Variants in SETD1B observed in about 807,000 individuals in gnomAD.
SETD1B encodes SET domain containing 1B, histone lysine methyltransferase.
SETD1B carries 7 observed loss-of-function variants against 148.0 expected under a neutral mutation model. The observed-to-expected ratio is 0.05, with a 90% CI of 0.03 to 0.09. The LOEUF (loss-of-function observed/expected upper bound fraction) is 0.09. Ranked by LOEUF, SETD1B falls within the 10% of genes least tolerant of loss-of-function variation. The pLI, the probability that SETD1B is intolerant of heterozygous loss-of-function variation, is 1.00. For missense variants in SETD1B, 2,155 were observed against 2,729.9 expected (o/e 0.79, Z 4.69); for synonymous variants, 1,361 against 1,186.5 (o/e 1.15, Z -3.02).
chr12:121,817,142 T>C lies in SETD1B; in HGVS notation c.2825T>C (p.Leu942Pro), dbSNP rs1325793270. The C allele has an allele frequency of 1.3e-6, 2 of 1,548,842 alleles. No individual in the cohort carries two copies. Among genetic ancestry groups the C allele is most frequent in the Non-Finnish European group, 1.7e-6 (2 of 1,146,900 alleles). Residue 942 changes from leucine to proline, a missense_variant, in exon 8 of 17, where the codon CTG becomes CCG. Around this residue, in one of 11 missense-constraint regions of SETD1B, gnomAD observed 289 missense variants for 423.7 expected, o/e 0.68. Coordinates refer to ENST00000604567, the MANE Select transcript of SETD1B (RefSeq NM_001353345.2). The surrounding 1 kb of genome is among the most constrained non-coding windows in gnomAD (Gnocchi z 8.1). Reference sequence around the variant, plus strand: ...GAGTCATGGGGCAAGGGCGAGGGCCTGGGCTACGAGGGCCTGGGCCTGGGC... The same window carrying C: ...GAGTCATGGGGCAAGGGCGAGGGCCCGGGCTACGAGGGCCTGGGCCTGGGC... Reference protein sequence around the residue: ...LLESWGKGEGLGYEGLGLGIG... With the variant: ...LLESWGKGEGPGYEGLGLGIG...
rs1172937520 is a variant in SETD1B, at chr12:121,823,252, C to A, written c.4673C>A (p.Thr1558Asn). The change falls in exon 12 of 17, where the codon ACC becomes AAC. Residue 1558 changes from threonine to asparagine, a missense_variant. Physicochemically the swap from Thr to Asn is moderately conservative, Grantham distance 65 (BLOSUM62 0). Around this residue, in one of 11 missense-constraint regions of SETD1B, gnomAD observed 862 missense variants for 873.8 expected, o/e 0.99. Transcript: ENST00000604567. ...ELLLLPGQPQTPVFPSTHDPR... is the reference protein window; with the variant it reads ...ELLLLPGQPQNPVFPSTHDPR... Reference sequence around the variant, plus strand: ...CTGCTCCTGCCGGGCCAGCCACAGACCCCCGTCTTCCCCAGCACCCATGAC... The same window carrying A: ...CTGCTCCTGCCGGGCCAGCCACAGAACCCCGTCTTCCCCAGCACCCATGAC... 1.9e-6 allele frequency: 3 copies of A among 1,549,922 alleles called. No individual in the cohort carries two copies. The highest frequency in any genetic ancestry group is 2.7e-5 in the African/African-American group (2 of 73,142).
chr12:121,802,275 A>G (rs546280262), upstream of SETD1B: 2 of 152,364 alleles, frequency 1.3e-5, no homozygotes, highest in African/African-American at 4.8e-5. Flanking sequence ...ATGCAGATGA[A>G]GGTTCGGAAA....
chr12:121,832,393 A>G lies in SETD1B; in HGVS notation c.*2154A>G. On this transcript the variant is annotated 3_prime_UTR_variant, in exon 17 of 17. Coordinates refer to ENST00000604567, the MANE Select transcript of SETD1B (RefSeq NM_001353345.2). ...AACTCCCTCATTTTTCATTGAACAA[A>G]TCTCTGCTTTTCAAGAGTTGGGGGT... 6.5e-6 allele frequency: 1 copy of G among 153,694 alleles called. No individual in the cohort carries two copies. Among genetic ancestry groups the G allele is most frequent in the South Asian group, 1.9e-4 (1 of 5,350 alleles). 9.5% of individuals were successfully genotyped at this position (153,694 alleles called of 1,614,324 possible). A position where few individuals can be genotyped will look rare whatever the true frequency, so the allele number is the denominator to read the frequency against.
chr12:121,826,577 C>T (rs906382752), intron 13 of SETD1B, among the ~76,000 whole-genome samples: 5 of 151,964 alleles, frequency 3.3e-5, no homozygotes, highest in East Asian at 1.9e-4. Context: ...CCACCAGGGT[C>T]GGGGGTACTG....
the SETD1B span, chr12:121,793,342 C>T: frequency 6.3e-6 from 9 of 1,432,710 alleles, no homozygotes; most frequent in Non-Finnish European, 8.6e-6. Context: ...GATCAGCCCC[C>T]CCTCACCCCG....
At chr12:121,826,832 T>G (rs1876864583) in intron 13 of SETD1B, among the ~76,000 whole-genome samples, 1 of 148,930 alleles carries the variant, frequency 6.7e-6, no homozygotes, top group African/African-American at 2.5e-5. Flanking sequence ...GGGCGGGGGG[T>G]GACAGCCCAG....
At chr12:121,825,166 CAG>C in intron 12 of SETD1B, 32 bp from the exon 13 acceptor site, 3 of 1,547,930 alleles carry the variant, frequency 1.9e-6, no homozygotes, top group South Asian at 1.2e-5. Context: ...AAGGGGCTCT[CAG>C]AATGTCCATG....
intron 11 of SETD1B, among the ~76,000 whole-genome samples, chr12:121,820,737 G>A (rs1031000445): frequency 1.3e-5 from 2 of 152,126 alleles, no homozygotes; most frequent in Admixed American, 1.3e-4. Context: ...GTTTCTCCGC[G>A]TTAGCCAGGA....
chr12:121,814,426 G>GC lies in SETD1B; in HGVS notation c.2216dup (p.Pro740ThrfsTer102). ...CCTTGCCAGCGCCGCCTGGAGTCCCGCCCCCACCCATCCTGCCACCACTGC... is the reference window on the plus strand; with the variant it reads ...CCTTGCCAGCGCCGCCTGGAGTCCCGCCCCCCACCCATCCTGCCACCACTGC... On this transcript the variant is annotated frameshift_variant, in exon 7 of 17. Transcript: ENST00000604567. LOFTEE classifies it high-confidence loss of function. 1 of 915,534 alleles carries GC rather than the reference G, an allele frequency of 1.1e-6. No homozygotes were observed. Among genetic ancestry groups the GC allele is most frequent in the Non-Finnish European group, 1.5e-6 (1 of 648,494 alleles). The allele number at this position is 915,534 out of a possible 1,614,324, so 56.7% of individuals were successfully genotyped here.
upstream of SETD1B, chr12:121,800,975 C>T (rs1875322366): frequency 6.6e-6 from 1 of 152,126 alleles, no homozygotes; most frequent in South Asian, 2.1e-4. Context: ...GCCTGCCAGA[C>T]CAGCCCGGCC....
chr12:121,814,493 A>T lies in SETD1B; in HGVS notation c.2278A>T (p.Met760Leu). The change falls in exon 7 of 17, where the codon ATG (methionine) becomes TTG (leucine). Residue 760 changes from methionine to leucine, a missense_variant. Transcript: ENST00000604567. ...PGLFPVMQVD[M>L]SHVLGGQWGG... ...CCTGTTCCCTGTGATGCAGGTGGAC[A>T]TGAGCCACGTGCTGGGTGGCCAGTG... is the stretch of plus-strand genomic sequence containing the variant. 1.4e-6 allele frequency: 2 copies of T among 1,455,926 alleles called. No individual in the cohort carries two copies. The highest frequency in any genetic ancestry group is 1.8e-6 in the Non-Finnish European group (2 of 1,100,172). The allele number at this position is 1,455,926 out of a possible 1,614,324, so 90.2% of individuals were successfully genotyped here.
In SETD1B at chr12:121,811,433, C is replaced by G. The variant is rs147651729; in HGVS notation, c.1890+598C>G. Among the ~76,000 whole-genome samples, 5 of 112,884 alleles carry G rather than the reference C, an allele frequency of 4.4e-5. No homozygotes were observed. The East Asian group carries it at 1.3e-3, about 29-fold the overall frequency. The allele number at this position is 112,884 out of a possible 152,430, so 74.1% of individuals were successfully genotyped here. A position where few individuals can be genotyped will look rare whatever the true frequency, so the allele number is the denominator to read the frequency against. ...CAGGGATGAAGGAGTTAAGAGCTAA[C>G]TTGGGGTGGGGGTGGGGTGCCATGT... On this transcript the variant is annotated intron_variant, in intron 6 of 16. Transcript: ENST00000604567.
In SETD1B at chr12:121,814,431, CA is replaced by C; in HGVS notation, c.2217del (p.Ile741SerfsTer15). The part of the protein sequence containing the change: ...PLPAPPGVPP[P>X]PILPPLPPFP... Reference sequence around the variant, plus strand: ...CCAGCGCCGCCTGGAGTCCCGCCCCCACCCATCCTGCCACCACTGCCCCCCT... The same window carrying C: ...CCAGCGCCGCCTGGAGTCCCGCCCCCCCCATCCTGCCACCACTGCCCCCCT... On this transcript the variant is annotated frameshift_variant, in exon 7 of 17. Transcript: ENST00000604567. LOFTEE classifies it high-confidence loss of function. 3 of 1,437,738 alleles carry C rather than the reference CA, an allele frequency of 2.1e-6. No homozygotes were observed. Among genetic ancestry groups the C allele is most frequent in the Non-Finnish European group, 2.7e-6 (3 of 1,092,106 alleles). 89.1% of individuals were successfully genotyped at this position (1,437,738 alleles called of 1,614,324 possible). A position where few individuals can be genotyped will look rare whatever the true frequency, so the allele number is the denominator to read the frequency against.
chr12:121,809,163 C>CG (rs1418825691), intron 5 of SETD1B, among the ~76,000 whole-genome samples: 1 of 152,196 alleles, frequency 6.6e-6, no homozygotes, highest in Non-Finnish European at 1.5e-5. Flanking sequence ...CATGAGCCAC[C>CG]ACGCCTGGCC....
At chr12:121,794,541 C>T in the SETD1B span, among the ~76,000 whole-genome samples, 16 of 152,354 alleles carry the variant, frequency 1.1e-4, no homozygotes, top group South Asian at 1.0e-3. Context: ...CCACACCCAC[C>T]AAGAAATGTA....
chr12:121,810,881 T>A lies in SETD1B; in HGVS notation c.1890+46T>A. The A allele has an allele frequency of 6.9e-7, 1 of 1,449,874 alleles. No homozygotes were observed. Among genetic ancestry groups the A allele is most frequent in the Non-Finnish European group, 9.1e-7 (1 of 1,095,828 alleles). 89.8% of individuals were successfully genotyped at this position (1,449,874 alleles called of 1,614,324 possible). ...CTGTCTGGGACTGGTTTTGTCTATC[T>A]TGTATCTCCCTTTCCCCCTTCAAGC... On this transcript the variant is annotated intron_variant, in intron 6 of 16. Coordinates refer to ENST00000604567, the MANE Select transcript of SETD1B (RefSeq NM_001353345.2). This position sits in a 1 kb window ranked among gnomAD's most constrained non-coding sequence, Gnocchi z 7.6.
At chr12:121,802,747 A>T (rs1410485216), upstream of SETD1B, 20 of 152,246 alleles carry the variant, frequency 1.3e-4, no homozygotes, top group Admixed American at 1.3e-3. Flanking sequence ...ATCTTTTTAA[A>T]AAGTCTTCTC....
At chr12:121,821,964 C>T (rs1876584412) in intron 11 of SETD1B, among the ~76,000 whole-genome samples, 1 of 152,104 alleles carries the variant, frequency 6.6e-6, no homozygotes, top group Non-Finnish European at 1.5e-5. Context: ...TTCCTGTAGT[C>T]CCACCTACTC....
upstream of SETD1B, chr12:121,799,853 G>A (rs931482656): frequency 1.3e-5 from 2 of 152,134 alleles, no homozygotes; most frequent in Non-Finnish European, 2.9e-5. Context: ...CTACCTTAGT[G>A]GGAGGACTGT....
Sources: allele counts gnomAD v4.1 joint callset (sites outside exome capture counted in the v4.1 genomes callset), GRCh38; gene constraint gnomAD v4.1.1; regional missense constraint gnomAD v4.1.1; non-coding constraint Gnocchi (gnomAD v3.1); transcripts MANE v1.5; gene names NCBI Gene and HGNC (gene_info 2026-07-23, HGNC 2026-07-21).